ARID4A: variants seen among roughly 807,000 people sequenced by gnomAD.
ARID4A encodes the protein AT-rich interaction domain 4A.
In ARID4A, 39 loss-of-function variants were observed where a neutral mutation model predicts 148.6. That is an observed-to-expected ratio of 0.26 (90% confidence interval 0.20 to 0.34). The LOEUF (loss-of-function observed/expected upper bound fraction) is 0.34, where lower values mean the gene tolerates loss of function less well. Ranked by LOEUF, ARID4A falls within the 10% of genes least tolerant of loss-of-function variation. The pLI is 1.00. For synonymous variants in ARID4A, 475 were observed against 481.2 expected, an observed-to-expected ratio of 0.99 and a Z score of 0.17; for missense variants, 1,265 against 1,449.1, an observed-to-expected ratio of 0.87 and a Z score of 2.06.
chr14:58,351,418 C>G, intron 16 of ARID4A, 95 bp downstream of exon 16: 3 of 1,449,386 alleles, frequency 2.1e-6, no homozygotes, highest in Non-Finnish European at 2.8e-6. Flanking sequence ...GGAATGTTTT[C>G]TTATTGGGAC....
At chr14:58,310,255 G>T (rs2140144500) in intron 5 of ARID4A, among the ~76,000 whole-genome samples, 1 of 149,748 alleles carries the variant, frequency 6.7e-6, no homozygotes, top group Non-Finnish European at 1.5e-5. Flanking sequence ...TACCTTAGCT[G>T]CTGAGGGACT....
intron 11 of ARID4A, among the ~76,000 whole-genome samples, chr14:58,333,519 T>G (rs2033645032): frequency 6.6e-6 from 1 of 152,104 alleles, no homozygotes; most frequent in Admixed American, 6.5e-5. Flanking sequence ...GGTTGGGCCC[T>G]TTTAAAAATT....
chr14:58,324,779 A>G, intron 8 of ARID4A, among the ~76,000 whole-genome samples: 1 of 151,972 alleles, frequency 6.6e-6, no homozygotes, highest in African/African-American at 2.4e-5. Context: ...AAGATACATC[A>G]CTCCTCTAAG....
chr14:58,308,395 C>T (rs1374105694), intron 5 of ARID4A, among the ~76,000 whole-genome samples: 1 of 152,188 alleles, frequency 6.6e-6, no homozygotes, highest in African/African-American at 2.4e-5. Context: ...ATAAGCATGT[C>T]AGTGATTCTG....
At chr14:58,369,104 A>G (rs2035489580) in intron 23 of ARID4A, among the ~76,000 whole-genome samples, 1 of 152,234 alleles carries the variant, frequency 6.6e-6, no homozygotes, top group South Asian at 2.1e-4. Flanking sequence ...AAAAGACAAT[A>G]GGAGAGAAGA....
At chr14:58,307,274 C>T (rs1452545131) in intron 5 of ARID4A, among the ~76,000 whole-genome samples, 1 of 152,132 alleles carries the variant, frequency 6.6e-6, no homozygotes, top group Non-Finnish European at 1.5e-5. Flanking sequence ...TGATTTGTTG[C>T]TTTGGGTAAA....
chr14:58,330,085 A>G lies in ARID4A; in HGVS notation c.822A>G (p.Ser274=). 1.2e-6 allele frequency: 2 copies of G among 1,613,622 alleles called. No homozygotes were observed. The highest frequency in any genetic ancestry group is 8.5e-7 in the Non-Finnish European group (1 of 1,179,848). The change falls in exon 11 of 24, where the codon TCA becomes TCG. Residue 274 remains serine, a synonymous_variant. Transcript: ENST00000355431. ...TGGATATAAGTGAAATCCTTGAGTC[A>G]TCCAGTAGTGATGATGAAGATGGCC... ...WKMDISEILE[S]SSSDDEDGPA...
chr14:58,325,958 G>C (rs2033185368), intron 8 of ARID4A, among the ~76,000 whole-genome samples: 1 of 151,800 alleles, frequency 6.6e-6, no homozygotes, highest in Non-Finnish European at 1.5e-5. Context: ...TACATTTGAC[G>C]ATTTTATGTA....
At chr14:58,318,895 T>A (rs906444786) in intron 7 of ARID4A, 90 bp downstream of exon 7, 2 of 1,057,486 alleles carry the variant, frequency 1.9e-6, no homozygotes, top group Non-Finnish European at 2.8e-6. Flanking sequence ...TTCATTTGGG[T>A]AAGCTTTCCA....
At chr14:58,353,623 A>G (rs1331429143) in intron 16 of ARID4A, 35 bp from the exon 17 acceptor site, 3 of 1,561,192 alleles carry the variant, frequency 1.9e-6, no homozygotes, top group Non-Finnish European at 2.6e-6. Context: ...CCATTAAGTT[A>G]TTAGTAGCAT....
Position 58,351,279 on chromosome 14 carries a change from T to G in ARID4A, c.1611T>G (p.Asp537Glu). 1 of 1,610,042 alleles carries G rather than the reference T, an allele frequency of 6.2e-7. No individual in the cohort carries two copies. Among genetic ancestry groups the G allele is most frequent in the East Asian group, 2.2e-5 (1 of 44,842 alleles). Reference protein sequence around the residue: ...QKEKKIKKQEDSDKDSDEEEE... With the variant: ...QKEKKIKKQEESDKDSDEEEE... ...AGAAGAAAATTAAAAAACAGGAGGA[T>G]TCTGACAAAGACTCAGATGAAGAGG... Residue 537 changes from aspartate to glutamate, a missense_variant, in exon 16 of 24, where the codon GAT (aspartate) becomes GAG (glutamate). By Grantham distance (45) the Asp-to-Glu change is conservative. Around this residue, in one of 9 missense-constraint regions of ARID4A, gnomAD observed 205 missense variants for 196.9 expected, o/e 1.04. Coordinates refer to ENST00000355431, the MANE Select transcript of ARID4A (RefSeq NM_002892.4).
intron 23 of ARID4A, among the ~76,000 whole-genome samples, chr14:58,367,739 T>C (rs1398955979): frequency 6.6e-6 from 1 of 152,136 alleles, no homozygotes; most frequent in Non-Finnish European, 1.5e-5. Context: ...TAAGCCCTGC[T>C]AAAATAACAG....
chr14:58,299,595 GGCGGA>G (rs2030945791), intron 1 of ARID4A, 198 bp from the exon 2 acceptor site: 1 of 568,618 alleles, frequency 1.8e-6, no homozygotes, highest in Non-Finnish European at 3.1e-6. Flanking sequence ...CGAGCTCCGG[GGCGGA>G]ACGGGCTGCC....
chr14:58,346,769 A>G (rs2034383387), intron 13 of ARID4A, among the ~76,000 whole-genome samples: 1 of 151,100 alleles, frequency 6.6e-6, no homozygotes, highest in South Asian at 2.1e-4. Context: ...CTCTACAGAA[A>G]ATACAAAAAT....
intron 11 of ARID4A, among the ~76,000 whole-genome samples, chr14:58,340,134 C>T (rs1044787156): frequency 6.6e-6 from 1 of 152,078 alleles, no homozygotes; most frequent in Non-Finnish European, 1.5e-5. Context: ...AATGAATAAT[C>T]GTTCATTTTC....
intron 1 of ARID4A, 177 bp from the exon 2 acceptor site, chr14:58,299,621 C>G (rs1427751649): frequency 1.7e-6 from 1 of 598,100 alleles, no homozygotes; most frequent in Non-Finnish European, 3.0e-6. Context: ...CTTTGGCGCT[C>G]GTGGGGTTCT....
chr14:58,324,542 A>G (rs1189059668), intron 8 of ARID4A, among the ~76,000 whole-genome samples: 1 of 152,172 alleles, frequency 6.6e-6, no homozygotes, highest in African/African-American at 2.4e-5. Context: ...TGGCCTCCCA[A>G]GGGGCCGGGA....
chr14:58,331,838 C>T (rs2033536061), intron 11 of ARID4A, among the ~76,000 whole-genome samples: 1 of 151,940 alleles, frequency 6.6e-6, no homozygotes, highest in Admixed American at 6.6e-5. Flanking sequence ...CTAATTAGGC[C>T]ACATTTTCAG....
intron 14 of ARID4A, among the ~76,000 whole-genome samples, chr14:58,347,399 C>T (rs2034425266): frequency 6.6e-6 from 1 of 152,028 alleles, no homozygotes; most frequent in South Asian, 2.1e-4. Context: ...GGTGAACAGC[C>T]TTCATATCAA....
Sources: gnomAD v4.1 joint callset for allele counts (sites outside exome capture counted in the v4.1 genomes callset) on GRCh38, gnomAD v4.1.1 for gene constraint, gnomAD v4.1.1 regional missense constraint, MANE v1.5 for transcripts, NCBI Gene and HGNC (gene_info 2026-07-23, HGNC 2026-07-21) for gene names.